Variants in NFXL1 observed in about 807,000 individuals in gnomAD.
NFXL1 encodes the protein NF-X1-type zinc finger protein NFXL1.
A neutral mutation model predicts 123.3 loss-of-function variants in NFXL1; 66 were observed. The ratio of observed to expected loss-of-function variants is 0.54; its 90% CI spans 0.44 to 0.66. The LOEUF is 0.66. Among genes scored for constraint, NFXL1 ranks in the 30% least tolerant of loss-of-function variants. The pLI, the probability that NFXL1 is intolerant of heterozygous loss-of-function variation, is 0.00. For missense variants in NFXL1, 944 were observed against 1,125.6 expected (o/e 0.84, Z 2.31); for synonymous variants, 346 against 360.8 (o/e 0.96, Z 0.46).
intron 5 of NFXL1, among the ~76,000 whole-genome samples, chr4:47,901,984 C>T (rs1373668208): frequency 1.3e-5 from 2 of 152,142 alleles, no homozygotes; most frequent in East Asian, 3.9e-4. Context: ...AAGTTCAAGA[C>T]CAGCCTGGCC....
intron 20 of NFXL1, among the ~76,000 whole-genome samples, chr4:47,854,684 C>T (rs1483181763): frequency 1.3e-5 from 2 of 152,008 alleles, no homozygotes; most frequent in African/African-American, 4.8e-5. Context: ...CAAAGTTAAT[C>T]TCAAGCCATT....
At chr4:47,861,493 C>T (rs1734763859) in intron 19 of NFXL1, among the ~76,000 whole-genome samples, 2 of 152,154 alleles carry the variant, frequency 1.3e-5, no homozygotes, top group South Asian at 4.1e-4. Flanking sequence ...TAAGGCAATT[C>T]TAAGTTATAA....
rs527894160 is a variant in NFXL1 at position 47,868,443 on chromosome 4, A to AG, written c.2247-5529_2247-5528insC. On this transcript the variant is annotated intron_variant, in intron 18 of 22. Coordinates refer to ENST00000507489, the MANE Select transcript of NFXL1 (RefSeq NM_001278624.2). ...CTAAACAATGAGAAGAGAAGGAGAGAAAAAAAGGCAAACAAACTCACTGAT... is the reference window on the plus strand; with the variant it reads ...CTAAACAATGAGAAGAGAAGGAGAGAGAAAAAAGGCAAACAAACTCACTGAT... Among the ~76,000 whole-genome samples the AG allele has an allele frequency of 4.3e-3, 327 of 76,882 alleles. 2 individuals are homozygous for AG. Among genetic ancestry groups the AG allele is most frequent in the Non-Finnish European group, 7.2e-3 (244 of 33,848 alleles). 50.4% of individuals were successfully genotyped at this position (76,882 alleles called of 152,430 possible).
Position 47,862,905 on chromosome 4 carries a change from T to C in NFXL1, c.2257A>G (p.Thr753Ala). 1 of 1,548,352 alleles carries C rather than the reference T, an allele frequency of 6.5e-7. No homozygotes were observed. The highest frequency in any genetic ancestry group is 8.7e-7 in the Non-Finnish European group (1 of 1,145,100). Residue 753 changes from threonine to alanine, a missense_variant, in exon 19 of 23, where the codon ACA becomes GCA. By Grantham distance (58) the Thr-to-Ala change is moderately conservative. Coordinates refer to ENST00000507489, the MANE Select transcript of NFXL1 (RefSeq NM_001278624.2). ...AGGTTCTTTTCATTTACATCAGCTG[T>C]GGTTATTTTTCTAAAAATAAGAAAG... ...SLYVECRKIT[T>A]ADVNEKNLLS... is the part of the protein sequence containing the mutation.
chr4:47,888,083 A>T (rs931401572), intron 12 of NFXL1, among the ~76,000 whole-genome samples: 128 of 152,128 alleles, frequency 8.4e-4, no homozygotes, highest in African/African-American at 3.0e-3. Flanking sequence ...AGACCATCCT[A>T]GCCAACATGG....
rs1441060901 is a variant in NFXL1 at position 47,884,447 on chromosome 4, A to C, written c.1825-10T>G. On this transcript the variant is annotated splice_polypyrimidine_tract_variant and intron_variant, in intron 14 of 22. Transcript: ENST00000507489. ...GGCCTGTAGGCTGGTGCTACAAATA[A>C]AATACATAAGAATTTTAAGTCAGAG... 1.3e-6 allele frequency: 2 copies of C among 1,554,804 alleles called. No individual in the cohort carries two copies. Among genetic ancestry groups the C allele is most frequent in the East Asian group, 4.5e-5 (2 of 44,524 alleles).
intron 11 of NFXL1, 31 bp from the exon 12 acceptor site, chr4:47,890,734 T>C (rs111866852): frequency 7.6e-7 from 1 of 1,316,914 alleles, no homozygotes; most frequent in Non-Finnish European, 1.1e-6. Context: ...AAAGAACAGG[T>C]AATTCAAAAA....
At chr4:47,850,629 A>C (rs1734066338) in intron 22 of NFXL1, among the ~76,000 whole-genome samples, 1 of 152,130 alleles carries the variant, frequency 6.6e-6, no homozygotes, top group Non-Finnish European at 1.5e-5. Context: ...AAGATCTAAT[A>C]GGGAAATATG....
intron 12 of NFXL1, among the ~76,000 whole-genome samples, chr4:47,886,662 C>T (rs1227394127): frequency 6.6e-6 from 1 of 152,204 alleles, no homozygotes; most frequent in Non-Finnish European, 1.5e-5. Flanking sequence ...AGCCACTGCA[C>T]CCAGCCTCTG....
chr4:47,878,230 AC>A (rs1413227243), intron 17 of NFXL1, among the ~76,000 whole-genome samples: 10 of 152,100 alleles, frequency 6.6e-5, no homozygotes, highest in African/African-American at 2.4e-4. Context: ...CTAAGAAGAT[AC>A]ATAACCTATG....
At chr4:47,900,521 A>G (rs1737313638) in intron 5 of NFXL1, among the ~76,000 whole-genome samples, 1 of 152,170 alleles carries the variant, frequency 6.6e-6, no homozygotes, top group South Asian at 2.1e-4. Flanking sequence ...AAAAAAAGAT[A>G]TAATTCGAAT....
chr4:47,899,096 A>G lies in NFXL1; in HGVS notation c.851T>C (p.Met284Thr), dbSNP rs1190650923. Residue 284 changes from methionine (M) to threonine (T), a missense_variant, in exon 7 of 23, where the codon ATG (methionine) becomes ACG (threonine). Physicochemically the swap from Met to Thr is moderately conservative, Grantham distance 81. Transcript: ENST00000507489. ...HPGPCPPCPK[M>T]VTTTCYCKKA... ...CTTACAGTAACAAGTAGTTGTGACCATCTTTGGACAAGGAGGGCAGGGACC... is the reference window on the plus strand; with the variant it reads ...CTTACAGTAACAAGTAGTTGTGACCGTCTTTGGACAAGGAGGGCAGGGACC... 4 of 1,608,074 alleles carry G rather than the reference A, an allele frequency of 2.5e-6. No homozygotes were observed. The highest frequency in any genetic ancestry group is 3.4e-6 in the Non-Finnish European group (4 of 1,177,744).
Position 47,896,545 on chromosome 4 carries a change from C to T in NFXL1, c.1307G>A (p.Gly436Asp). 6.2e-7 allele frequency: 1 copy of T among 1,613,218 alleles called. No homozygotes were observed. Among genetic ancestry groups the T allele is most frequent in the Non-Finnish European group, 8.5e-7 (1 of 1,179,304 alleles). The change falls in exon 10 of 23, where the codon GGT becomes GAT. Residue 436 changes from glycine (G) to aspartate (D), a missense_variant. This residue lies in a region of NFXL1 where 296 missense variants were observed against 395.1 expected (regional missense o/e 0.75). Transcript: ENST00000507489. ...AACTTGTCTACATGTTTCACAGGGACCTCGGTGACAACGCTGTGAACATCT... is the reference window on the plus strand; with the variant it reads ...AACTTGTCTACATGTTTCACAGGGATCTCGGTGACAACGCTGTGAACATCT... The part of the protein sequence containing the change: ...IHRCSQRCHR[G>D]PCETCRQEVE...
chr4:47,898,709 C>T, intron 8 of NFXL1, 48 bp downstream of exon 8: 1 of 1,244,338 alleles, frequency 8.0e-7, no homozygotes, highest in South Asian at 1.2e-5. Flanking sequence ...GTTGTCTATG[C>T]TTTCTGTACT....
chr4:47,874,260 G>T (rs1735609752), intron 18 of NFXL1, among the ~76,000 whole-genome samples: 1 of 152,188 alleles, frequency 6.6e-6, no homozygotes, highest in Non-Finnish European at 1.5e-5. Context: ...TGGTGCAAGA[G>T]ACCTAACTTT....
chr4:47,900,482 TTACAGGCGTGAGC>T (rs1737311856), intron 5 of NFXL1, among the ~76,000 whole-genome samples: 1 of 152,212 alleles, frequency 6.6e-6, no homozygotes, highest in South Asian at 2.1e-4. Flanking sequence ...AGTGCTGGGA[TTACAGGCGTGAGC>T]CACTGTGCCC....
At chr4:47,890,519 C>T (rs553808665) in intron 12 of NFXL1, 94 bp downstream of exon 12, 44 of 695,188 alleles carry the variant, frequency 6.3e-5, no homozygotes, top group African/African-American at 2.4e-4. Context: ...GACTATAAAA[C>T]GCTATTTCAA....
In NFXL1 at chr4:47,848,064, A is replaced by G. The variant is rs1323752932; in HGVS notation, c.*99T>C. The G allele has an allele frequency of 1.4e-6, 1 of 722,132 alleles. No individual in the cohort carries two copies. The highest frequency in any genetic ancestry group is 3.0e-5 in the Admixed American group (1 of 33,220). The allele number at this position is 722,132 out of a possible 1,614,324, so 44.7% of individuals were successfully genotyped here. ...GCTGAGAGAATACAGAGATGAATGT[A>G]AATATATATCATGTTCTATAATATA... is the stretch of plus-strand genomic sequence containing the variant. On this transcript the variant is annotated 3_prime_UTR_variant, in exon 23 of 23. Transcript: ENST00000507489.
intron 18 of NFXL1, among the ~76,000 whole-genome samples, chr4:47,872,874 T>C (rs899544610): frequency 1.3e-5 from 2 of 152,202 alleles, no homozygotes; most frequent in African/African-American, 2.4e-5. Flanking sequence ...GCTGCATCAA[T>C]TGACTCTTCC....
Sources: allele counts gnomAD v4.1 joint callset (sites outside exome capture counted in the v4.1 genomes callset), GRCh38; gene constraint gnomAD v4.1.1; regional missense constraint gnomAD v4.1.1; transcripts MANE v1.5; gene names NCBI Gene and HGNC (gene_info 2026-07-23, HGNC 2026-07-21).